Variants in TUBA1B observed in about 807,000 individuals in gnomAD.
TUBA1B encodes tubulin alpha 1b, also known as tubulin alpha-1B chain.
TUBA1B carries 1 observed loss-of-function variant against 34.4 expected under a neutral mutation model. That is an observed-to-expected ratio of 0.03 (90% CI 0.01 to 0.14). The LOEUF (loss-of-function observed/expected upper bound fraction) is 0.14, where lower values mean the gene tolerates loss of function less well. Among genes scored for constraint, TUBA1B ranks in the 10% least tolerant of loss-of-function variants. The pLI, the probability that TUBA1B is intolerant of heterozygous loss-of-function variation, is 1.00. For missense variants in TUBA1B, 54 were observed against 583.6 expected, an observed-to-expected ratio of 0.09 and a Z score of 9.35; for synonymous variants, 197 against 212.5, an observed-to-expected ratio of 0.93 and a Z score of 0.64.
chr12:49,130,306 CAGA>C (rs1289175689), intron 1 of TUBA1B: 5 of 1,289,232 alleles, frequency 3.9e-6, no homozygotes, highest in Middle Eastern at 2.1e-4. Flanking sequence ...CAGACCAGCG[CAGA>C]AGAAATGTCT....
rs901838329 is a variant in TUBA1B, at chr12:49,131,359, T to C, written c.-59A>G. 49 of 1,598,470 alleles carry C rather than the reference T, an allele frequency of 3.1e-5. No individual in the cohort carries two copies. The South Asian group carries it at 5.0e-4, about 16-fold the overall frequency. ...AGCAGACACCGGGTCCCGGTTACCGTCCCCGACAAGCTAAGAGTCGAGGTA... is the reference window on the plus strand; with the variant it reads ...AGCAGACACCGGGTCCCGGTTACCGCCCCCGACAAGCTAAGAGTCGAGGTA... On this transcript the variant is annotated 5_prime_UTR_variant, in exon 1 of 4. Coordinates refer to ENST00000336023, the MANE Select transcript of TUBA1B (RefSeq NM_006082.3).
rs757961538 is a variant in TUBA1B, at chr12:49,127,949, A to G, written c.*9T>C. On this transcript the variant is annotated 3_prime_UTR_variant, in exon 4 of 4. Transcript: ENST00000336023. ...CATGACATGCTGCAGGGCCAAAAGG[A>G]ATGGATAATTAGTATTCCTCTCCTT... 1.2e-6 allele frequency: 2 copies of G among 1,613,998 alleles called. No homozygotes were observed. Among genetic ancestry groups the G allele is most frequent in the South Asian group, 2.2e-5 (2 of 91,072 alleles).
chr12:49,129,768 T>C, intron 1 of TUBA1B, 46 bp from the exon 2 acceptor site: 1 of 1,612,984 alleles, frequency 6.2e-7, no homozygotes, highest in Non-Finnish European at 8.5e-7. Flanking sequence ...AATCTATTGA[T>C]GACTGTCAAG....
Position 49,127,804 on chromosome 12 carries a change from T to C in TUBA1B, c.*154A>G, listed in dbSNP as rs1302804004. ...AGCTTTTGATGTTAATGACTTTACTTTGAGATATGATGGAAAAATATTACA... is the reference window on the plus strand; with the variant it reads ...AGCTTTTGATGTTAATGACTTTACTCTGAGATATGATGGAAAAATATTACA... On this transcript the variant is annotated 3_prime_UTR_variant, in exon 4 of 4. Transcript: ENST00000336023. 2.4e-6 allele frequency: 3 copies of C among 1,247,578 alleles called. No homozygotes were observed. Among genetic ancestry groups the C allele is most frequent in the African/African-American group, 1.5e-5 (1 of 65,858 alleles). The allele number at this position is 1,247,578 out of a possible 1,614,324, so 77.3% of individuals were successfully genotyped here. A position where few individuals can be genotyped will look rare whatever the true frequency, so the allele number is the denominator to read the frequency against.
chr12:49,131,125 TAC>T, intron 1 of TUBA1B, 171 bp downstream of exon 1: 2 of 700,656 alleles, frequency 2.9e-6, no homozygotes, highest in South Asian at 1.9e-5. Context: ...CCCCGCTATT[TAC>T]ACACACCGAG....
At chr12:49,129,993 G>C in intron 1 of TUBA1B, 1 of 1,012,280 alleles carries the variant, frequency 9.9e-7, no homozygotes, top group Non-Finnish European at 1.4e-6. Context: ...TGTTACCTAG[G>C]CTACTCACGT....
At chr12:49,129,417 G>C (rs371534379) in intron 2 of TUBA1B, 27 bp from the exon 3 acceptor site, 5 of 1,613,846 alleles carry the variant, frequency 3.1e-6, no homozygotes, top group Admixed American at 3.3e-5. Flanking sequence ...AGGACGGAGG[G>C]AGTGAGTGAG....
chr12:49,129,717 C>T lies in TUBA1B; in HGVS notation c.9G>A (p.Glu3=). The T allele has an allele frequency of 4.3e-6, 7 of 1,610,788 alleles. No homozygotes were observed. Among genetic ancestry groups the T allele is most frequent in the Non-Finnish European group, 5.1e-6 (6 of 1,178,902 alleles). Residue 3 remains glutamate (E), a synonymous_variant, in exon 2 of 4, where the codon GAG becomes GAA. Transcript: ENST00000336023. ...CCTGGCCAACGTGGATGGAGATGCA[C>T]TCACGCTGCGGGAAGGAAAAAAGAT... is the stretch of plus-strand genomic sequence containing the variant. MR[E]CISIHVGQAG...
Position 49,131,370 on chromosome 12 carries a change from C to CTTAG in TUBA1B, c.-71_-70insCTAA, listed in dbSNP as rs1941807202. ...GGTCCCGGTTACCGTCCCCGACAAG[C>CTTAG]TAAGAGTCGAGGTAAGTAACGCACT... On this transcript the variant is annotated 5_prime_UTR_variant, in exon 1 of 4. Transcript: ENST00000336023. 2 of 1,584,588 alleles carry CTTAG rather than the reference C, an allele frequency of 1.3e-6. No homozygotes were observed. Among genetic ancestry groups the CTTAG allele is most frequent in the Admixed American group, 3.5e-5 (2 of 57,296 alleles).
chr12:49,128,180 C>G lies in TUBA1B; in HGVS notation c.1134G>C (p.Leu378=), dbSNP rs138994103. ...LAKVQRAVCM[L]SNTTAIAEAW... The stretch of plus-strand genomic sequence containing the variant: ...CCTCAGCAATGGCTGTGGTGTTGCT[C>G]AGCATGCACACAGCTCTCTGTACCT... Residue 378 remains leucine (L), a synonymous_variant, in exon 4 of 4, where the codon CTG becomes CTC. Coordinates refer to ENST00000336023, the MANE Select transcript of TUBA1B (RefSeq NM_006082.3). This position sits in a 1 kb window ranked among gnomAD's most constrained non-coding sequence, Gnocchi z 8.1. 11 of 1,614,068 alleles carry G rather than the reference C, an allele frequency of 6.8e-6. No individual in the cohort carries two copies. In the African/African-American group the frequency reaches 1.5e-4, roughly 22 times the overall value.
At position 49,129,991 on chromosome 12, in the gene TUBA1B, A is replaced by T. The variant is rs1218354053; in HGVS notation, c.4-269T>A. ...GAGATGAGGTCTGGCTGTGTTACCTAGGCTACTCACGTAATCTGAAAACGA... is the reference window on the plus strand; with the variant it reads ...GAGATGAGGTCTGGCTGTGTTACCTTGGCTACTCACGTAATCTGAAAACGA... On this transcript the variant is annotated intron_variant, in intron 1 of 3. Transcript: ENST00000336023. The T allele has an allele frequency of 1.5e-5, 15 of 1,013,132 alleles. No individual in the cohort carries two copies. In the East Asian group the frequency reaches 3.7e-4, roughly 25 times the overall value. The allele number at this position is 1,013,132 out of a possible 1,614,324, so 62.8% of individuals were successfully genotyped here.
chr12:49,129,109 G>A (rs943742101), intron 3 of TUBA1B, 133 bp downstream of exon 3: 67 of 1,566,136 alleles, frequency 4.3e-5, no homozygotes, highest in East Asian at 2.0e-4. Context: ...TGATTTAGAA[G>A]TCCAATTAAT....
At chr12:49,130,831 C>G (rs1483998401) in intron 1 of TUBA1B, 1 of 166,122 alleles carries the variant, frequency 6.0e-6, no homozygotes, top group Non-Finnish European at 1.3e-5. Flanking sequence ...CGCCCAGGAG[C>G]GGCGGGAAGG....
At chr12:49,129,982 G>C (rs545825197) in intron 1 of TUBA1B, 1 of 996,300 alleles carries the variant, frequency 1.0e-6, no homozygotes, top group Non-Finnish European at 1.4e-6. Flanking sequence ...AGGTCTGGCT[G>C]TGTTACCTAG....
chr12:49,127,807 A>T lies in TUBA1B; in HGVS notation c.*151T>A. On this transcript the variant is annotated 3_prime_UTR_variant, in exon 4 of 4. Transcript: ENST00000336023. ...TTTTGATGTTAATGACTTTACTTTG[A>T]GATATGATGGAAAAATATTACAGGT... 1 of 1,256,442 alleles carries T rather than the reference A, an allele frequency of 8.0e-7. No homozygotes were observed. The highest frequency in any genetic ancestry group is 1.1e-6 in the Non-Finnish European group (1 of 905,620). 77.8% of individuals were successfully genotyped at this position (1,256,442 alleles called of 1,614,324 possible). A position where few individuals can be genotyped will look rare whatever the true frequency, so the allele number is the denominator to read the frequency against.
chr12:49,131,159 C>T, intron 1 of TUBA1B, 139 bp downstream of exon 1: 1 of 1,106,428 alleles, frequency 9.0e-7, no homozygotes, highest in Non-Finnish European at 1.3e-6. Context: ...CCCGCCCTGG[C>T]CTCTCGCCTC....
At position 49,127,817 on chromosome 12, in the gene TUBA1B, G is replaced by A. The variant is rs1941763674; in HGVS notation, c.*141C>T. 1.5e-6 allele frequency: 2 copies of A among 1,338,912 alleles called. No individual in the cohort carries two copies. Among genetic ancestry groups the A allele is most frequent in the South Asian group, 2.8e-5 (2 of 70,566 alleles). 82.9% of individuals were successfully genotyped at this position (1,338,912 alleles called of 1,614,324 possible). The stretch of plus-strand genomic sequence containing the variant: ...AATGACTTTACTTTGAGATATGATG[G>A]AAAAATATTACAGGTACACATGGAA... On this transcript the variant is annotated 3_prime_UTR_variant, in exon 4 of 4. Coordinates refer to ENST00000336023, the MANE Select transcript of TUBA1B (RefSeq NM_006082.3).
At chr12:49,129,213 T>G in intron 3 of TUBA1B, 29 bp downstream of exon 3, 1 of 1,613,024 alleles carries the variant, frequency 6.2e-7, no homozygotes, top group South Asian at 1.1e-5. Flanking sequence ...TCACACCACA[T>G]TAAATGCATA....
chr12:49,129,772 T>C, intron 1 of TUBA1B, 50 bp from the exon 2 acceptor site: 2 of 1,612,262 alleles, frequency 1.2e-6, no homozygotes, highest in Non-Finnish European at 1.7e-6. Context: ...TATTGATGAC[T>C]GTCAAGTGGA....
Sources: gnomAD v4.1 joint callset for allele counts on GRCh38, gnomAD v4.1.1 for gene constraint, Gnocchi (gnomAD v3.1) non-coding constraint, MANE v1.5 for transcripts, NCBI Gene and HGNC (gene_info 2026-07-23, HGNC 2026-07-21) for gene names.